Variants in NWD1 observed in about 807,000 individuals in gnomAD.
NWD1 encodes NACHT domain- and WD repeat-containing protein 1.
A neutral mutation model predicts 135.1 loss-of-function variants in NWD1; 129 were observed. That is an observed-to-expected ratio of 0.96 (90% confidence interval 0.83 to 1.11). The LOEUF is 1.11. NWD1 is among the 50% of genes least tolerant of loss of function. The pLI is 0.00. For missense variants in NWD1, 1,740 were observed against 1,851.3 expected, an observed-to-expected ratio of 0.94 and a Z score of 1.10; for synonymous variants, 773 against 786.0, an observed-to-expected ratio of 0.98 and a Z score of 0.28.
In NWD1 at chr19:16,812,572, G is replaced by A. The variant is rs184991355; in HGVS notation, c.4288-2456G>A. ...TAATCCTAGCTACTTGGGAGGCTGA[G>A]GCAGGAGAATCGCTTGAACCTGGGA... On this transcript the variant is annotated intron_variant, in intron 18 of 18. Transcript: ENST00000524140. 9.9e-4 allele frequency among the ~76,000 whole-genome samples: 151 copies of A among 152,142 alleles called. 1 individual carries two copies. Among genetic ancestry groups the A allele is most frequent in the Non-Finnish European group, 1.4e-3 (94 of 68,008 alleles).
At chr19:16,811,560 G>A (rs1378324622) in intron 18 of NWD1, among the ~76,000 whole-genome samples, 2 of 146,150 alleles carry the variant, frequency 1.4e-5, no homozygotes, top group African/African-American at 5.1e-5. Flanking sequence ...CTTCAGCCAG[G>A]GCAACAAGAG....
intron 16 of NWD1, 104 bp from the exon 17 acceptor site, chr19:16,799,782 A>G (rs1970538673): frequency 1.9e-6 from 2 of 1,043,964 alleles, no homozygotes; most frequent in Non-Finnish European, 1.4e-6. Flanking sequence ...TGTTGGGATT[A>G]CAGGCGTGAG....
intron 18 of NWD1, 124 bp from the exon 19 acceptor site, chr19:16,814,903 TG>T: frequency 2.6e-6 from 2 of 761,638 alleles, no homozygotes; most frequent in Non-Finnish European, 4.3e-6. Context: ...GCATAATAAA[TG>T]TCATGCCAAA....
intron 17 of NWD1, among the ~76,000 whole-genome samples, chr19:16,803,829 G>A (rs896512759): frequency 1.3e-5 from 2 of 151,884 alleles, no homozygotes; most frequent in Admixed American, 1.3e-4. Flanking sequence ...GGAGGCTGAG[G>A]CAGGATAATT....
Position 16,750,348 on chromosome 19 carries a change from G to T in NWD1, c.1706G>T (p.Arg569Leu), listed in dbSNP as rs147054413. The change falls in exon 6 of 19, where the codon CGC (arginine) becomes CTC (leucine). Residue 569 changes from arginine (R) to leucine (L), a missense_variant. Physicochemically the swap from Arg to Leu is moderately radical, Grantham distance 102. Coordinates refer to ENST00000524140, the MANE Select transcript of NWD1 (RefSeq NM_001007525.5). Reference protein sequence around the residue: ...AEEATHQLCTRLEQTHGQLLV... With the variant: ...AEEATHQLCTLLEQTHGQLLV... ...GAAGCCACGCACCAACTCTGCACCC[G>T]CCTGGAGCAGACACACGGGCAGCTC... The T allele has an allele frequency of 1.9e-6, 3 of 1,610,978 alleles. No homozygotes were observed.
At chr19:16,779,264 G>T (rs1969769421) in intron 11 of NWD1, 79 bp from the exon 12 acceptor site, 7 of 1,524,444 alleles carry the variant, frequency 4.6e-6, no homozygotes, top group South Asian at 1.1e-5. Context: ...GTGAAGTGGG[G>T]GGCTCATTAG....
rs371006476 is a variant in NWD1 at position 16,763,819 on chromosome 19, C to T, written c.2134-9C>T. 70 of 1,588,354 alleles carry T rather than the reference C, an allele frequency of 4.4e-5. No homozygotes were observed. The highest frequency in any genetic ancestry group is 5.6e-5 in the Non-Finnish European group (65 of 1,156,768). ...TGTCCAAGCTGCAGTCTCCCTTCTC[C>T]TCTGCCAGGTGGCCCCGCAGCCTCT... On this transcript the variant is annotated splice_polypyrimidine_tract_variant and intron_variant, in intron 8 of 18. Transcript: ENST00000524140.
intron 18 of NWD1, among the ~76,000 whole-genome samples, chr19:16,812,104 T>A (rs2144532518): frequency 6.6e-6 from 1 of 152,222 alleles, no homozygotes; most frequent in South Asian, 2.1e-4. Context: ...TGAGGTCAGT[T>A]CACCACCAGC....
At chr19:16,812,911 C>T (rs992264923) in intron 18 of NWD1, 3 of 778,580 alleles carry the variant, frequency 3.9e-6, no homozygotes, top group South Asian at 2.7e-5. Context: ...AGGCTCTGAC[C>T]TGGGTCCTGG....
intron 12 of NWD1, among the ~76,000 whole-genome samples, chr19:16,781,747 G>A (rs1442466290): frequency 1.3e-5 from 2 of 152,006 alleles, no homozygotes; most frequent in Non-Finnish European, 2.9e-5. Flanking sequence ...TATCCCATGT[G>A]TTTAAAAAAT....
chr19:16,787,222 G>C (rs1373368083), intron 12 of NWD1, among the ~76,000 whole-genome samples: 11 of 152,028 alleles, frequency 7.2e-5, no homozygotes, highest in Admixed American at 6.6e-4. Flanking sequence ...AACCTCCTGC[G>C]CTCAAATGAT....
chr19:16,814,958 T>G, intron 18 of NWD1, 70 bp from the exon 19 acceptor site: 1 of 1,413,162 alleles, frequency 7.1e-7, no homozygotes, highest in Non-Finnish European at 9.8e-7. Flanking sequence ...TGCAGCCAAC[T>G]CTGGAATGTG....
chr19:16,743,672 A>ATTTG (rs1377766045), intron 4 of NWD1, among the ~76,000 whole-genome samples: 4 of 142,296 alleles, frequency 2.8e-5, no homozygotes, highest in African/African-American at 1.2e-4. Context: ...TTATTTATTT[A>ATTTG]TTAGTTTGTT....
chr19:16,725,314 T>A (rs1049332716), intron 2 of NWD1, among the ~76,000 whole-genome samples: 6 of 145,128 alleles, frequency 4.1e-5, no homozygotes, highest in African/African-American at 1.5e-4. Context: ...TCTACACAAA[T>A]TTTTTTTTTT....
In NWD1 at chr19:16,773,151, G is replaced by A; in HGVS notation, c.2436G>A (p.Leu812=). 1 of 1,613,948 alleles carries A rather than the reference G, an allele frequency of 6.2e-7. No homozygotes were observed. Among genetic ancestry groups the A allele is most frequent in the Non-Finnish European group, 8.5e-7 (1 of 1,180,032 alleles). The change falls in exon 11 of 19, where the codon CTG becomes CTA. Residue 812 remains leucine (L), a synonymous_variant. Transcript: ENST00000524140. The part of the protein sequence containing the change: ...GMERSLLYTE[L]LARLHFFATS... ...AGAGGAGCCTCCTGTACACAGAACT[G>A]CTGGCCAGACTCCATTTCTTCGCCA...
intron 12 of NWD1, among the ~76,000 whole-genome samples, chr19:16,782,444 C>T (rs532258837): frequency 4.5e-4 from 69 of 151,700 alleles, no homozygotes; most frequent in Non-Finnish European, 8.2e-4. Flanking sequence ...CCATCCTGGG[C>T]GACAGAGTGA....
Position 16,807,587 on chromosome 19 carries a change from C to G in NWD1, c.3738C>G (p.Gly1246=), listed in dbSNP as rs113245603. The G allele has an allele frequency of 6.6e-7, 1 of 1,519,154 alleles. No homozygotes were observed. The allele number at this position is 1,519,154 out of a possible 1,614,324, so 94.1% of individuals were successfully genotyped here. Residue 1246 remains glycine, a splice_region_variant and synonymous_variant, in exon 18 of 19, where the codon GGC becomes GGG. Coordinates refer to ENST00000524140, the MANE Select transcript of NWD1 (RefSeq NM_001007525.5). ...ATTCTCATTTTTCTTCCCTGGCAGGCGAGGAACAAGATTCCCTGGACACCT... is the reference window on the plus strand; with the variant it reads ...ATTCTCATTTTTCTTCCCTGGCAGGGGAGGAACAAGATTCCCTGGACACCT... The part of the protein sequence containing the change: ...NKVTIWDLAE[G]EEQDSLDTSS...
At chr19:16,808,271 C>A in intron 18 of NWD1, 135 bp downstream of exon 18, 1 of 787,506 alleles carries the variant, frequency 1.3e-6, no homozygotes, top group Non-Finnish European at 2.0e-6. Flanking sequence ...GGCACTTGGT[C>A]AGGCGCAGTG....
intron 10 of NWD1, among the ~76,000 whole-genome samples, chr19:16,772,356 C>A (rs1438024491): frequency 6.6e-6 from 1 of 151,522 alleles, no homozygotes; most frequent in African/African-American, 2.4e-5. Flanking sequence ...CAGAGTAAGA[C>A]CCTGTCTCTA....
Sources: gnomAD v4.1 joint callset for allele counts (sites outside exome capture counted in the v4.1 genomes callset) on GRCh38, gnomAD v4.1.1 for gene constraint, MANE v1.5 for transcripts, NCBI Gene and HGNC (gene_info 2026-07-23, HGNC 2026-07-21) for gene names.